The following ARHGEF17 variants were observed in gnomAD, a reference collection of about 807,000 sequenced individuals.
ARHGEF17 encodes the protein Rho guanine nucleotide exchange factor 17.
In ARHGEF17, 80 loss-of-function variants were observed where a neutral mutation model predicts 174.0. The observed-to-expected ratio is 0.46, with a 90% confidence interval of 0.38 to 0.55. ARHGEF17 has a LOEUF of 0.55. ARHGEF17 is among the 20% of genes least tolerant of loss of function. The probability of loss-of-function intolerance (pLI) is 0.00; values close to 1 mark genes in which losing one functional copy is unlikely to be tolerated. For synonymous variants in ARHGEF17, 1,311 were observed against 1,189.1 expected, an observed-to-expected ratio of 1.10 and a Z score of -2.11; for missense variants, 2,886 against 2,839.7, an observed-to-expected ratio of 1.02 and a Z score of -0.37.
rs1368177949 is a variant in ARHGEF17 at position 73,357,152 on chromosome 11, G to T, written c.4001+18G>T. On this transcript the variant is annotated intron_variant, in intron 8 of 20. Transcript: ENST00000263674. ...ATGAGCCTGTGAGTGGCTGGGCCGG[G>T]GTTTGGGTGGTGCCAACAGGGGGAG... 1.2e-6 allele frequency: 2 copies of T among 1,613,610 alleles called. No individual in the cohort carries two copies. The highest frequency in any genetic ancestry group is 1.7e-6 in the Non-Finnish European group (2 of 1,179,708).
intron 1 of ARHGEF17, among the ~76,000 whole-genome samples, chr11:73,322,258 A>T (rs947997567): frequency 4.6e-5 from 7 of 152,108 alleles, no homozygotes; most frequent in African/African-American, 1.4e-4. Flanking sequence ...TCTCCCTGGG[A>T]TGGGGCCTGG....
At chr11:73,341,625 A>C (rs374036926) in intron 1 of ARHGEF17, among the ~76,000 whole-genome samples, 3 of 152,208 alleles carry the variant, frequency 2.0e-5, no homozygotes, top group Non-Finnish European at 4.4e-5. Flanking sequence ...ACTGGTCTTA[A>C]AGGAAAAGAA....
chr11:73,340,151 G>A (rs1865347489), intron 1 of ARHGEF17, among the ~76,000 whole-genome samples: 1 of 152,100 alleles, frequency 6.6e-6, no homozygotes, highest in Admixed American at 6.5e-5. Context: ...TGGACACCCT[G>A]CCTCAGCGAC....
chr11:73,329,327 A>G lies in ARHGEF17; in HGVS notation c.3192+17497A>G, dbSNP rs1338969325. The stretch of plus-strand genomic sequence containing the variant: ...ATCAGTATTTTGAGAGCTTTCATAT[A>G]TATATATATATATATATATATATAT... On this transcript the variant is annotated intron_variant, in intron 1 of 20. Coordinates refer to ENST00000263674, the MANE Select transcript of ARHGEF17 (RefSeq NM_014786.4). 8.9e-3 allele frequency among the ~76,000 whole-genome samples: 14 copies of G among 1,580 alleles called. 1 individual carries two copies. Among genetic ancestry groups the G allele is most frequent in the African/African-American group, 0.029 (13 of 454 alleles). The allele number at this position is 1,580 out of a possible 152,430, so 1.0% of individuals were successfully genotyped here. A position where few individuals can be genotyped will look rare whatever the true frequency, so the allele number is the denominator to read the frequency against.
rs747895852 is a variant in ARHGEF17 at position 73,365,838 on chromosome 11, C to T, written c.5886C>T (p.Pro1962=). 1.2e-5 allele frequency: 19 copies of T among 1,613,070 alleles called. No individual in the cohort carries two copies. The highest frequency in any genetic ancestry group is 8.5e-6 in the Non-Finnish European group (10 of 1,180,040). ...GCTGCCCACGGGCACCACTCAGTCC[C>T]ACAGGCCTCGGCCAGGGACACACCG... is the stretch of plus-strand genomic sequence containing the variant. ...TVSCPRAPLS[P]TGLGQGHTGH... Residue 1962 remains proline (P), a synonymous_variant, in exon 20 of 21, where the codon CCC becomes CCT. Coordinates refer to ENST00000263674, the MANE Select transcript of ARHGEF17 (RefSeq NM_014786.4). The surrounding 1 kb of genome is among the most constrained non-coding windows in gnomAD (Gnocchi z 4.9).
At position 73,362,490 on chromosome 11, in the gene ARHGEF17, G is replaced by C. The variant is rs1206351342; in HGVS notation, c.4752G>C (p.Pro1584=). The change falls in exon 14 of 21, where the codon CCG becomes CCC. Residue 1584 remains proline, a synonymous_variant. Coordinates refer to ENST00000263674, the MANE Select transcript of ARHGEF17 (RefSeq NM_014786.4). The part of the protein sequence containing the change: ...PPETAPEPAG[P]ELDVEAAADE... ...AGACGGCACCGGAGCCCGCCGGGCC[G>C]GAGCTGGACGTCGAGGCCGCTGCAG... 2 of 1,599,120 alleles carry C rather than the reference G, an allele frequency of 1.3e-6. No individual in the cohort carries two copies. Among genetic ancestry groups the C allele is most frequent in the Non-Finnish European group, 1.7e-6 (2 of 1,175,576 alleles).
intron 1 of ARHGEF17, among the ~76,000 whole-genome samples, chr11:73,340,904 C>A (rs2134406957): frequency 6.6e-6 from 1 of 152,300 alleles, no homozygotes; most frequent in Non-Finnish European, 1.5e-5. Context: ...GGAGCAGGCT[C>A]CATCCGCAGG....
chr11:73,342,127 C>T (rs1251130802), intron 1 of ARHGEF17, among the ~76,000 whole-genome samples: 2 of 150,948 alleles, frequency 1.3e-5, no homozygotes, highest in African/African-American at 2.4e-5. Flanking sequence ...GGTGGGAGCA[C>T]AGTCTAGGGA....
intron 1 of ARHGEF17, among the ~76,000 whole-genome samples, chr11:73,329,373 ATTT>A (rs1192905396): frequency 1.5e-4 from 2 of 13,168 alleles, no homozygotes; most frequent in African/African-American, 1.0e-3. Context: ...ATATATATAT[ATTT>A]TTTTTTTTTT....
chr11:73,323,698 G>A (rs941624401), intron 1 of ARHGEF17, among the ~76,000 whole-genome samples: 2 of 152,268 alleles, frequency 1.3e-5, no homozygotes, highest in East Asian at 1.9e-4. Flanking sequence ...CGGGGGCGTT[G>A]CCTGGGGCGG....
chr11:73,309,824 A>G lies in ARHGEF17; in HGVS notation c.1186A>G (p.Thr396Ala). The G allele has an allele frequency of 6.2e-7, 1 of 1,613,120 alleles. No homozygotes were observed. The highest frequency in any genetic ancestry group is 8.5e-7 in the Non-Finnish European group (1 of 1,179,998). Residue 396 changes from threonine (T) to alanine (A), a missense_variant, in exon 1 of 21, where the codon ACG (threonine) becomes GCG (alanine). Thr to Ala is a moderately conservative substitution (Grantham distance 58). Coordinates refer to ENST00000263674, the MANE Select transcript of ARHGEF17 (RefSeq NM_014786.4). ...CCGCGGTAGCAGCCGTTATTCCAGC[A>G]CGGAGACCCTCAAGGACGACGACCT... ...GSRGSSRYSSTETLKDDDLWS... is the reference protein window; with the variant it reads ...GSRGSSRYSSAETLKDDDLWS...
At chr11:73,342,245 C>T (rs1388363762) in intron 1 of ARHGEF17, among the ~76,000 whole-genome samples, 2 of 151,872 alleles carry the variant, frequency 1.3e-5, no homozygotes, top group African/African-American at 2.4e-5. Flanking sequence ...GGACTGGAAC[C>T]CTCCAAGATG....
chr11:73,363,961 G>A (rs1034750367), intron 16 of ARHGEF17, 128 bp downstream of exon 16: 1 of 1,167,680 alleles, frequency 8.6e-7, no homozygotes, highest in Non-Finnish European at 1.2e-6. Flanking sequence ...CAGAGGCCTG[G>A]CCCTAGGCTA....
rs749381252 is a variant in ARHGEF17 at position 73,310,074 on chromosome 11, G to A, written c.1436G>A (p.Arg479His). 1.2e-5 allele frequency: 20 copies of A among 1,614,124 alleles called. No homozygotes were observed. Among genetic ancestry groups the A allele is most frequent in the East Asian group, 4.5e-5 (2 of 44,880 alleles). The change falls in exon 1 of 21, where the codon CGC (arginine) becomes CAC (histidine). Residue 479 changes from arginine (R) to histidine (H), a missense_variant. Physicochemically the swap from Arg to His is conservative, Grantham distance 29. Coordinates refer to ENST00000263674, the MANE Select transcript of ARHGEF17 (RefSeq NM_014786.4). ...ACCCTGACGCTTCTCAGTTTCCTGCGCTCAGACCTTTCAGAGCTGAGGGTC... is the reference window on the plus strand; with the variant it reads ...ACCCTGACGCTTCTCAGTTTCCTGCACTCAGACCTTTCAGAGCTGAGGGTC... ...SETLTLLSFL[R>H]SDLSELRVRK... is the part of the protein sequence containing the mutation.
intron 2 of ARHGEF17, among the ~76,000 whole-genome samples, chr11:73,351,643 G>A (rs1193758974): frequency 6.6e-6 from 1 of 151,944 alleles, no homozygotes; most frequent in Admixed American, 6.6e-5. Flanking sequence ...GTGCAGTGGC[G>A]CGATCTCGGC....
Position 73,332,350 on chromosome 11 carries a change from C to CGTGTGTGTGT in ARHGEF17, c.3193-14484_3193-14475dup, listed in dbSNP as rs58725771. 2.4e-3 allele frequency among the ~76,000 whole-genome samples: 286 copies of CGTGTGTGTGT among 120,732 alleles called. 3 individuals are homozygous for CGTGTGTGTGT. The highest frequency in any genetic ancestry group is 0.014 in the East Asian group (51 of 3,526). 79.2% of individuals were successfully genotyped at this position (120,732 alleles called of 152,430 possible). On this transcript the variant is annotated intron_variant, in intron 1 of 20. Transcript: ENST00000263674. ...TATATTTCCCTCCAGGCTTTTTCTCCGTGTGTGTGTGTGTGTGTGTGTGTG... is the reference window on the plus strand; with the variant it reads ...TATATTTCCCTCCAGGCTTTTTCTCCGTGTGTGTGTGTGTGTGTGTGTGTGTGTGTGTGTG...
At chr11:73,334,276 A>AAACTTCC (rs1471358604) in intron 1 of ARHGEF17, among the ~76,000 whole-genome samples, 3 of 152,208 alleles carry the variant, frequency 2.0e-5, no homozygotes, top group African/African-American at 7.2e-5. Flanking sequence ...GACTTAAAAG[A>AAACTTCC]AACTTCCAGG....
At chr11:73,320,690 C>T (rs1239861929) in intron 1 of ARHGEF17, among the ~76,000 whole-genome samples, 1 of 144,918 alleles carries the variant, frequency 6.9e-6, no homozygotes, top group Non-Finnish European at 1.5e-5. Context: ...GGCAGGGTCT[C>T]ACTCTCTCAA....
rs535687681 is a variant in ARHGEF17, at chr11:73,325,767, T to G, written c.3192+13937T>G. Reference sequence around the variant, plus strand: ...TCTGGAGAGATGTGAACAGAGCAATTTGCTCCTGTACCACCCTCTGAGTGT... The same window carrying G: ...TCTGGAGAGATGTGAACAGAGCAATGTGCTCCTGTACCACCCTCTGAGTGT... On this transcript the variant is annotated intron_variant, in intron 1 of 20. Transcript: ENST00000263674. 2.0e-5 allele frequency among the ~76,000 whole-genome samples: 3 copies of G among 152,332 alleles called. No individual in the cohort carries two copies. The East Asian group carries it at 5.8e-4, about 29-fold the overall frequency.
Sources: gnomAD v4.1 joint callset for allele counts (sites outside exome capture counted in the v4.1 genomes callset) on GRCh38, gnomAD v4.1.1 for gene constraint, Gnocchi (gnomAD v3.1) non-coding constraint, MANE v1.5 for transcripts, NCBI Gene and HGNC (gene_info 2026-07-23, HGNC 2026-07-21) for gene names.